The following TMEM74 variants were observed in gnomAD, a reference collection of about 807,000 sequenced individuals.
TMEM74 encodes the protein transmembrane protein 74.
TMEM74 carries 13 observed loss-of-function variants against 18.1 expected under a neutral mutation model. The observed-to-expected ratio is 0.72, with a 90% CI of 0.47 to 1.14. The LOEUF is 1.14. Among genes scored for constraint, TMEM74 ranks in the 50% most tolerant of loss-of-function variants. TMEM74 has a pLI of 0.00. For missense variants in TMEM74, 372 were observed against 375.9 expected, an observed-to-expected ratio of 0.99 and a Z score of 0.09; for synonymous variants, 159 against 146.6, an observed-to-expected ratio of 1.08 and a Z score of -0.61.
intron 1 of TMEM74, among the ~76,000 whole-genome samples, chr8:108,746,011 A>G (rs1484580313): frequency 6.6e-6 from 1 of 152,066 alleles, no homozygotes. Flanking sequence ...AAGGGACAGG[A>G]ATTGCTCACT....
intron 1 of TMEM74, among the ~76,000 whole-genome samples, chr8:108,667,636 C>A (rs778775538): frequency 6.6e-6 from 1 of 152,220 alleles, no homozygotes; most frequent in East Asian, 1.9e-4. Context: ...CAAGGTTTTG[C>A]AAATTATAGA....
intron 1 of TMEM74, among the ~76,000 whole-genome samples, chr8:108,695,215 T>G (rs1395810101): frequency 6.6e-6 from 1 of 152,210 alleles, no homozygotes; most frequent in Non-Finnish European, 1.5e-5. Flanking sequence ...TACTTCTGCT[T>G]CTTCATCTGG....
intron 1 of TMEM74, among the ~76,000 whole-genome samples, chr8:108,740,602 C>T (rs1423354636): frequency 2.6e-5 from 4 of 152,150 alleles, no homozygotes; most frequent in South Asian, 2.1e-4. Context: ...TTTCCACCAC[C>T]GTGTGCTCAC....
chr8:108,618,979 T>A (rs1180769162), intron 2 of TMEM74, among the ~76,000 whole-genome samples: 2 of 152,172 alleles, frequency 1.3e-5, no homozygotes, highest in East Asian at 1.9e-4. Context: ...GTCTCCTTTC[T>A]AAAAGTGTTG....
At chr8:108,774,496 A>T (rs1586293651), downstream of TMEM74, among the ~76,000 whole-genome samples, 1 of 152,302 alleles carries the variant, frequency 6.6e-6, no homozygotes, top group East Asian at 1.9e-4. Context: ...GTAAGTTCTT[A>T]GGCAGCTTCA....
At chr8:108,635,371 C>A (rs182198848) in intron 2 of TMEM74, among the ~76,000 whole-genome samples, 2 of 151,850 alleles carry the variant, frequency 1.3e-5, no homozygotes, top group East Asian at 3.9e-4. Flanking sequence ...TTTCTTCCTC[C>A]GATCCTTTCT....
intron 1 of TMEM74, among the ~76,000 whole-genome samples, chr8:108,772,181 T>C (rs939378511): frequency 6.6e-6 from 1 of 152,198 alleles, no homozygotes; most frequent in Admixed American, 6.5e-5. Flanking sequence ...TGGAATTCAT[T>C]GTTCTTTTAT....
rs1812323037 is a variant in TMEM74, at chr8:108,610,387, TG to T, written n.265-1562del. On this transcript the variant is annotated intron_variant and non_coding_transcript_variant, in intron 2 of 3. Transcript: ENST00000518838. The stretch of plus-strand genomic sequence containing the variant: ...ATAAATATTTATTAAGTGCTAAATA[TG>T]TTGTGAAAAAATAGAAACATGAATC... 2.0e-5 allele frequency among the ~76,000 whole-genome samples: 3 copies of T among 152,180 alleles called. No individual in the cohort carries two copies. The South Asian group carries it at 6.2e-4, about 31-fold the overall frequency.
intron 1 of TMEM74, among the ~76,000 whole-genome samples, chr8:108,656,409 A>C (rs1021283741): frequency 6.6e-6 from 1 of 152,122 alleles, no homozygotes; most frequent in Non-Finnish European, 1.5e-5. Flanking sequence ...TGCCCATCTC[A>C]ATTGATTTAG....
intron 1 of TMEM74, among the ~76,000 whole-genome samples, chr8:108,734,988 C>T (rs1474677365): frequency 6.6e-6 from 1 of 152,164 alleles, no homozygotes; most frequent in African/African-American, 2.4e-5. Flanking sequence ...CCTGTTGATA[C>T]CCTAATGACT....
intron 1 of TMEM74, among the ~76,000 whole-genome samples, chr8:108,735,853 C>G (rs1186113843): frequency 6.6e-6 from 1 of 152,104 alleles, no homozygotes. Flanking sequence ...TACACCTACT[C>G]TTCAAACATA....
At chr8:108,708,644 T>C (rs1372463169) in intron 1 of TMEM74, among the ~76,000 whole-genome samples, 1 of 152,112 alleles carries the variant, frequency 6.6e-6, no homozygotes, top group African/African-American at 2.4e-5. Flanking sequence ...CATATGCTTC[T>C]TGGCTGCATA....
At chr8:108,744,208 G>T (rs1441815576) in intron 1 of TMEM74, among the ~76,000 whole-genome samples, 1 of 152,116 alleles carries the variant, frequency 6.6e-6, no homozygotes, top group Non-Finnish European at 1.5e-5. Flanking sequence ...GATTCAGATC[G>T]AGTATTTTTA....
intron 2 of TMEM74, among the ~76,000 whole-genome samples, chr8:108,633,667 A>C (rs1812577570): frequency 6.6e-6 from 1 of 151,938 alleles, no homozygotes; most frequent in Admixed American, 6.6e-5. Flanking sequence ...TATCCATCTT[A>C]CTATGTTCTC....
chr8:108,745,938 T>C (rs1813844570), intron 1 of TMEM74, among the ~76,000 whole-genome samples: 1 of 152,178 alleles, frequency 6.6e-6, no homozygotes, highest in Non-Finnish European at 1.5e-5. Flanking sequence ...CCCAGTCATG[T>C]ACCCGCTGTT....
intron 1 of TMEM74, among the ~76,000 whole-genome samples, chr8:108,696,008 C>T (rs959180794): frequency 6.6e-6 from 1 of 152,168 alleles, no homozygotes; most frequent in Non-Finnish European, 1.5e-5. Context: ...AAGCTATGGA[C>T]AAGTCAAATT....
At chr8:108,679,952 T>C (rs1343530090) in intron 1 of TMEM74, among the ~76,000 whole-genome samples, 1 of 152,132 alleles carries the variant, frequency 6.6e-6, no homozygotes, top group Non-Finnish European at 1.5e-5. Flanking sequence ...AATGGATAAA[T>C]TCCTCGACAC....
chr8:108,704,781 G>A (rs1813378182), intron 1 of TMEM74, among the ~76,000 whole-genome samples: 1 of 152,174 alleles, frequency 6.6e-6, no homozygotes, highest in South Asian at 2.1e-4. Flanking sequence ...GACTGAAGGA[G>A]GGAGGGAGGT....
At chr8:108,708,896 G>A (rs961469579) in intron 1 of TMEM74, among the ~76,000 whole-genome samples, 2 of 143,268 alleles carry the variant, frequency 1.4e-5, no homozygotes, top group African/African-American at 5.3e-5. Context: ...TCCAAAGAAG[G>A]CAAACAAATG....
Sources: allele counts gnomAD v4.1 joint callset (sites outside exome capture counted in the v4.1 genomes callset), GRCh38; gene constraint gnomAD v4.1.1; transcripts MANE v1.5; gene names NCBI Gene and HGNC (gene_info 2026-07-23, HGNC 2026-07-21).